Variants in FCHO2 observed in about 807,000 individuals in gnomAD.
FCHO2 encodes the protein FCH and mu domain containing endocytic adaptor 2, also known as F-BAR domain only protein 2.
Under a neutral mutation model 114.1 loss-of-function variants are expected in FCHO2, and 43 were observed. The ratio of observed to expected loss-of-function variants is 0.38; its 90% CI spans 0.30 to 0.49. FCHO2 has a LOEUF of 0.49. Among genes scored for constraint, FCHO2 ranks in the 20% least tolerant of loss-of-function variants. The pLI is 0.97. For synonymous variants in FCHO2, 293 were observed against 315.2 expected, an observed-to-expected ratio of 0.93 and a Z score of 0.75; for missense variants, 807 against 950.4, an observed-to-expected ratio of 0.85 and a Z score of 1.98.
At chr5:72,979,593 G>T (rs1302499537) in intron 2 of FCHO2, among the ~76,000 whole-genome samples, 2 of 150,660 alleles carry the variant, frequency 1.3e-5, no homozygotes, top group South Asian at 2.1e-4. Flanking sequence ...GGGTTTCACC[G>T]TGTTAGCCAG....
At chr5:73,033,336 A>G (rs1756330962) in intron 8 of FCHO2, among the ~76,000 whole-genome samples, 1 of 152,088 alleles carries the variant, frequency 6.6e-6, no homozygotes, top group Non-Finnish European at 1.5e-5. Context: ...GTAAATGTTA[A>G]TTTATTTTAT....
chr5:73,001,238 A>G (rs574942695), intron 5 of FCHO2, among the ~76,000 whole-genome samples: 1 of 152,136 alleles, frequency 6.6e-6, no homozygotes, highest in East Asian at 1.9e-4. Context: ...CTCTACAAAA[A>G]GTTTTTAAAA....
intron 2 of FCHO2, among the ~76,000 whole-genome samples, chr5:72,978,542 T>A (rs974648398): frequency 5.9e-5 from 9 of 152,226 alleles, no homozygotes; most frequent in Non-Finnish European, 8.8e-5. Flanking sequence ...TATACAATCA[T>A]GTCATCTTCA....
intron 6 of FCHO2, among the ~76,000 whole-genome samples, chr5:73,007,294 G>A (rs1433664202): frequency 6.6e-6 from 1 of 152,164 alleles, no homozygotes; most frequent in African/African-American, 2.4e-5. Flanking sequence ...CGTCTTCACT[G>A]TAGTCCTGAG....
chr5:73,052,135 G>A (rs1409050934), intron 12 of FCHO2, among the ~76,000 whole-genome samples, 197 bp from the exon 13 acceptor site: 1 of 152,076 alleles, frequency 6.6e-6, no homozygotes, highest in Non-Finnish European at 1.5e-5. Context: ...GTGTTAGCCA[G>A]GATGGTCTTG....
chr5:73,021,914 C>T (rs867966742), intron 8 of FCHO2, among the ~76,000 whole-genome samples: 3 of 152,164 alleles, frequency 2.0e-5, no homozygotes, highest in Non-Finnish European at 4.4e-5. Context: ...ACCATGCCAA[C>T]CACTTTGTAG....
At chr5:72,994,022 C>G (rs2112677685) in intron 5 of FCHO2, among the ~76,000 whole-genome samples, 1 of 152,254 alleles carries the variant, frequency 6.6e-6, no homozygotes, top group South Asian at 2.1e-4. Flanking sequence ...AAACCCAAAA[C>G]TATAAAAACT....
chr5:73,043,523 A>T (rs946096625), intron 11 of FCHO2, among the ~76,000 whole-genome samples: 3 of 152,018 alleles, frequency 2.0e-5, no homozygotes, highest in Admixed American at 6.5e-5. Flanking sequence ...AGATTCATGC[A>T]TATATAGAAA....
At chr5:73,034,537 A>G (rs914645118) in intron 8 of FCHO2, 120 bp from the exon 9 acceptor site, 1 of 694,752 alleles carries the variant, frequency 1.4e-6, no homozygotes, top group Non-Finnish European at 2.4e-6. Flanking sequence ...TTTCAGAACA[A>G]TTAAAAAGAT....
intron 1 of FCHO2, among the ~76,000 whole-genome samples, chr5:72,961,792 C>G (rs1241162256): frequency 6.6e-6 from 1 of 152,048 alleles, no homozygotes; most frequent in Non-Finnish European, 1.5e-5. Context: ...TGGGGATTCT[C>G]CATGTTGAGG....
In FCHO2 at chr5:73,074,629, C is replaced by T; in HGVS notation, c.1580-113C>T. Reference sequence around the variant, plus strand: ...CCCCCAGATTTATCATGGGACATCACTGAAACCAGTGGTAGGGTCGTTTGT... The same window carrying T: ...CCCCCAGATTTATCATGGGACATCATTGAAACCAGTGGTAGGGTCGTTTGT... On this transcript the variant is annotated intron_variant, in intron 19 of 25. Transcript: ENST00000430046. The T allele has an allele frequency of 1.3e-5, 12 of 905,526 alleles. No individual in the cohort carries two copies. The South Asian group carries it at 1.8e-4, about 14-fold the overall frequency. The allele number at this position is 905,526 out of a possible 1,614,324, so 56.1% of individuals were successfully genotyped here.
chr5:72,956,377 A>G (rs1751539078), intron 1 of FCHO2, among the ~76,000 whole-genome samples: 2 of 150,786 alleles, frequency 1.3e-5, no homozygotes, highest in African/African-American at 4.9e-5. Context: ...GCCGCCGGCC[A>G]CCGGGGCTGG....
intron 2 of FCHO2, among the ~76,000 whole-genome samples, chr5:72,975,068 T>C (rs1752782586): frequency 6.6e-6 from 1 of 152,210 alleles, no homozygotes; most frequent in Admixed American, 6.5e-5. Flanking sequence ...AAGTGGTCAC[T>C]GCTCTAAGGA....
At chr5:73,083,042 TTTTG>T (rs1226727962) in intron 24 of FCHO2, among the ~76,000 whole-genome samples, 2 of 151,654 alleles carry the variant, frequency 1.3e-5, no homozygotes, top group Non-Finnish European at 2.9e-5. Context: ...CCCAACTAAT[TTTTG>T]TTTGTTTGTT....
At position 73,024,035 on chromosome 5, in the gene FCHO2, T is replaced by C. The variant is rs973733372; in HGVS notation, c.796+6727T>C. Among the ~76,000 whole-genome samples, 8 of 152,138 alleles carry C rather than the reference T, an allele frequency of 5.3e-5. No individual in the cohort carries two copies. The South Asian group carries it at 8.3e-4, about 16-fold the overall frequency. ...CTTGATTCCTTTTGAATTCTGGACA[T>C]TTAGATCATGTTTCTTTTTTCTTTT... On this transcript the variant is annotated intron_variant, in intron 8 of 25. Coordinates refer to ENST00000430046, the MANE Select transcript of FCHO2 (RefSeq NM_138782.3).
At chr5:73,083,892 CAAAAAA>C (rs765390330) in intron 24 of FCHO2, among the ~76,000 whole-genome samples, 7 of 79,286 alleles carry the variant, frequency 8.8e-5, no homozygotes, top group South Asian at 5.1e-4. Flanking sequence ...GACTCTGTCT[CAAAAAA>C]AAAAAAAAAA....
At chr5:72,982,047 C>T (rs1325422504) in intron 2 of FCHO2, among the ~76,000 whole-genome samples, 1 of 152,044 alleles carries the variant, frequency 6.6e-6, no homozygotes, top group Non-Finnish European at 1.5e-5. Flanking sequence ...GGTGTAGGCA[C>T]CCGAGGGAAT....
intron 2 of FCHO2, among the ~76,000 whole-genome samples, chr5:72,987,021 G>A (rs935876057): frequency 1.3e-5 from 2 of 151,462 alleles, no homozygotes; most frequent in African/African-American, 2.4e-5. Context: ...GATTACAGGC[G>A]TGTGTCACCA....
At position 73,051,343 on chromosome 5, in the gene FCHO2, C is replaced by T. The variant is rs1262816536; in HGVS notation, c.940-6C>T. 19 of 1,517,018 alleles carry T rather than the reference C, an allele frequency of 1.3e-5. No individual in the cohort carries two copies. The Admixed American group carries it at 2.1e-4, about 17-fold the overall frequency. The allele number at this position is 1,517,018 out of a possible 1,614,324, so 94.0% of individuals were successfully genotyped here. On this transcript the variant is annotated splice_region_variant and splice_polypyrimidine_tract_variant and intron_variant, in intron 11 of 25. Coordinates refer to ENST00000430046, the MANE Select transcript of FCHO2 (RefSeq NM_138782.3). ...TCATTATAATTTTTTTTTCTTTTTC[C>T]CTTAGAACATTCCTGATGTAGATGA...
Sources: gnomAD v4.1 joint callset for allele counts (sites outside exome capture counted in the v4.1 genomes callset) on GRCh38, gnomAD v4.1.1 for gene constraint, MANE v1.5 for transcripts, NCBI Gene and HGNC (gene_info 2026-07-23, HGNC 2026-07-21) for gene names.